AHNAK: variants seen among roughly 807,000 people sequenced by gnomAD.
AHNAK encodes the protein AHNAK nucleoprotein, also known as neuroblast differentiation-associated protein AHNAK.
A neutral mutation model predicts 37.8 loss-of-function variants in AHNAK; 23 were observed. That is an observed-to-expected ratio of 0.61 (90% CI 0.44 to 0.86). AHNAK has a LOEUF of 0.86. Among genes scored for constraint, AHNAK ranks in the 40% least tolerant of loss-of-function variants. The pLI is 0.00. For synonymous variants in AHNAK, 2,481 were observed against 2,636.3 expected, an observed-to-expected ratio of 0.94 and a Z score of 1.80; for missense variants, 7,411 against 7,319.4, an observed-to-expected ratio of 1.01 and a Z score of -0.46.
chr11:62,527,364 G>C lies in AHNAK; in HGVS notation c.7053C>G (p.Pro2351=). Residue 2351 remains proline (P), a synonymous_variant, in exon 5 of 5, where the codon CCC becomes CCG. Transcript: ENST00000378024. ...LKGPELDVKG[P]KLDADMPEVA... is the part of the protein sequence containing the mutation. ...CTTCTGGCATGTCAGCATCTAATTT[G>C]GGACCTTTGACATCCAATTCTGGAC... 6.2e-7 allele frequency: 1 copy of C among 1,614,072 alleles called. No homozygotes were observed. Among genetic ancestry groups the C allele is most frequent in the Non-Finnish European group, 8.5e-7 (1 of 1,179,982 alleles).
intron 5 of AHNAK, among the ~76,000 whole-genome samples, chr11:62,485,670 C>A (rs1017978086): frequency 1.4e-5 from 2 of 145,048 alleles, no homozygotes; most frequent in African/African-American, 5.3e-5. Context: ...CCACTGCACT[C>A]CAGCCTGGGC....
chr11:62,534,450 T>C (rs2134247770), intron 4 of AHNAK, among the ~76,000 whole-genome samples: 1 of 152,306 alleles, frequency 6.6e-6, no homozygotes. Flanking sequence ...GTTTGTTTAA[T>C]CAGGAGGGGA....
rs1303543418 is a variant in AHNAK at position 62,530,300 on chromosome 11, C to T, written c.4117G>A (p.Val1373Ile). Reference sequence around the variant, plus strand: ...TTCAGGTGCCAATCTGGGCCATGAACATCCACATCTGGAGCACTAATGTCA... The same window carrying T: ...TTCAGGTGCCAATCTGGGCCATGAATATCCACATCTGGAGCACTAATGTCA... Reference protein sequence around the residue: ...KVDISAPDVDVHGPDWHLKMP... With the variant: ...KVDISAPDVDIHGPDWHLKMP... Residue 1373 changes from valine (V) to isoleucine (I), a missense_variant, in exon 5 of 5, where the codon GTT (valine) becomes ATT (isoleucine). Coordinates refer to ENST00000378024, the MANE Select transcript of AHNAK (RefSeq NM_001620.3). The T allele has an allele frequency of 5.6e-6, 9 of 1,612,784 alleles. No homozygotes were observed. Among genetic ancestry groups the T allele is most frequent in the African/African-American group, 1.3e-5 (1 of 74,406 alleles).
At chr11:62,438,572 T>C (rs1290009227) in intron 5 of AHNAK, among the ~76,000 whole-genome samples, 1 of 152,166 alleles carries the variant, frequency 6.6e-6, no homozygotes. Context: ...TTATCAGACA[T>C]ATGTATTGCA....
intron 1 of AHNAK, among the ~76,000 whole-genome samples, chr11:62,542,816 C>T (rs1418219937): frequency 6.6e-6 from 1 of 152,186 alleles, no homozygotes; most frequent in Non-Finnish European, 1.5e-5. Flanking sequence ...GGGTGGCGTC[C>T]TATAGGAGAG....
chr11:62,541,305 T>G (rs1266036758), intron 1 of AHNAK, among the ~76,000 whole-genome samples: 3 of 152,116 alleles, frequency 2.0e-5, no homozygotes, highest in Non-Finnish European at 4.4e-5. Context: ...ACCCCATCCG[T>G]GGTAGGGAGG....
At chr11:62,444,794 T>C (rs1938390877) in intron 5 of AHNAK, among the ~76,000 whole-genome samples, 1 of 152,240 alleles carries the variant, frequency 6.6e-6, no homozygotes, top group Non-Finnish European at 1.5e-5. Context: ...GCCAGACACT[T>C]TCCTAAACAG....
At position 62,522,428 on chromosome 11, in the gene AHNAK, T is replaced by G. The variant is rs1940291897; in HGVS notation, c.11989A>C (p.Lys3997Gln). 6.2e-7 allele frequency: 1 copy of G among 1,613,990 alleles called. No individual in the cohort carries two copies. Among genetic ancestry groups the G allele is most frequent in the South Asian group, 1.1e-5 (1 of 91,078 alleles). Reference sequence around the variant, plus strand: ...TCAGGCATGGAGATCTTGGGGGCTTTGATGTTCATCTCTGGCATCTTGAAT... The same window carrying G: ...TCAGGCATGGAGATCTTGGGGGCTTGGATGTTCATCTCTGGCATCTTGAAT... ...PKFKMPEMNI[K>Q]APKISMPDFD... The change falls in exon 5 of 5, where the codon AAA becomes CAA. Residue 3997 changes from lysine (K) to glutamine (Q), a missense_variant. Coordinates refer to ENST00000378024, the MANE Select transcript of AHNAK (RefSeq NM_001620.3).
Position 62,528,561 on chromosome 11 carries a change from T to G in AHNAK, c.5856A>C (p.Thr1952=). 1 of 1,612,138 alleles carries G rather than the reference T, an allele frequency of 6.2e-7. No homozygotes were observed. The highest frequency in any genetic ancestry group is 8.5e-7 in the Non-Finnish European group (1 of 1,179,704). The change falls in exon 5 of 5, where the codon ACA becomes ACC. Residue 1952 remains threonine, a synonymous_variant. Transcript: ENST00000378024. The stretch of plus-strand genomic sequence containing the variant: ...GCACCTCCACACCCACACTGGGACC[T>G]GTTAAATCTCCCTCCAATTTTGGCA... ...VSVPKLEGDL[T]GPSVGVEVPD...
intron 5 of AHNAK, among the ~76,000 whole-genome samples, chr11:62,470,279 C>A (rs1290377778): frequency 6.6e-6 from 1 of 152,160 alleles, no homozygotes; most frequent in Non-Finnish European, 1.5e-5. Flanking sequence ...AACTCTGTCT[C>A]TACTAAAAAT....
At position 62,519,538 on chromosome 11, in the gene AHNAK, C is replaced by A; in HGVS notation, c.14879G>T (p.Ser4960Ile). Residue 4960 changes from serine (S) to isoleucine (I), a missense_variant, in exon 5 of 5, where the codon AGC (serine) becomes ATC (isoleucine). By Grantham distance (142) the Ser-to-Ile change is moderately radical. Coordinates refer to ENST00000378024, the MANE Select transcript of AHNAK (RefSeq NM_001620.3). ...EAPSLDVHMDSPDINIEGPDV... is the reference protein window; with the variant it reads ...EAPSLDVHMDIPDINIEGPDV... ...TGGCCCTTCGATGTTAATATCTGGG[C>A]TGTCCATGTGTACATCTAAGCTTGG... 1 of 1,612,742 alleles carries A rather than the reference C, an allele frequency of 6.2e-7. No homozygotes were observed. The highest frequency in any genetic ancestry group is 8.5e-7 in the Non-Finnish European group (1 of 1,179,440).
At chr11:62,477,022 C>T (rs1210869541) in intron 5 of AHNAK, among the ~76,000 whole-genome samples, 1 of 152,198 alleles carries the variant, frequency 6.6e-6, no homozygotes, top group Non-Finnish European at 1.5e-5. Context: ...CACAACACTT[C>T]AAAAGTTGAA....
chr11:62,494,607 C>T (rs989598190), intron 4 of AHNAK, among the ~76,000 whole-genome samples: 3 of 152,062 alleles, frequency 2.0e-5, no homozygotes, highest in Non-Finnish European at 4.4e-5. Flanking sequence ...TGGCTCACAC[C>T]TGTAATCCCA....
Position 62,532,798 on chromosome 11 carries a change from C to T in AHNAK, c.1619G>A (p.Arg540Lys), listed in dbSNP as rs761657205. 1 of 1,614,106 alleles carries T rather than the reference C, an allele frequency of 6.2e-7. No individual in the cohort carries two copies. The highest frequency in any genetic ancestry group is 1.1e-5 in the South Asian group (1 of 91,080). ...TAGGTTTGGTGTCTCTATGTCCACT[C>T]TGGAGCCTTTAAGTGCCACTTGAGG... ...KGPQVALKGSRVDIETPNLEG... is the reference protein window; with the variant it reads ...KGPQVALKGSKVDIETPNLEG... The change falls in exon 5 of 5, where the codon AGA (arginine) becomes AAA (lysine). Residue 540 changes from arginine to lysine, a missense_variant. By Grantham distance (26) the Arg-to-Lys change is conservative. Coordinates refer to ENST00000378024, the MANE Select transcript of AHNAK (RefSeq NM_001620.3).
chr11:62,543,261 C>T (rs11231135), intron 1 of AHNAK, among the ~76,000 whole-genome samples: 2 of 152,182 alleles, frequency 1.3e-5, no homozygotes, highest in Non-Finnish European at 2.9e-5. Context: ...TCAGTCCTTA[C>T]CTACAACCCC....
rs141698114 is a variant in AHNAK, at chr11:62,524,284, A to G, written c.10133T>C (p.Ile3378Thr). 1,540 of 1,613,928 alleles carry G rather than the reference A, an allele frequency of 9.5e-4. 20 individuals are homozygous for G. In the East Asian group the frequency reaches 0.018, roughly 18 times the overall value. ...EVDVKGKKPDIDITGPKVDIN... is the reference protein window; with the variant it reads ...EVDVKGKKPDTDITGPKVDIN... ...ATCAACTTTTGGACCTGTTATGTCA[A>G]TATCTGGCTTTTTACCTTTGACATC... The change falls in exon 5 of 5, where the codon ATT (isoleucine) becomes ACT (threonine). Residue 3378 changes from isoleucine to threonine, a missense_variant. Transcript: ENST00000378024.
chr11:62,474,924 G>T (rs976159248), intron 5 of AHNAK, among the ~76,000 whole-genome samples: 2 of 152,146 alleles, frequency 1.3e-5, no homozygotes, highest in Admixed American at 1.3e-4. Flanking sequence ...TCAGAGGCTG[G>T]TGAGGAAGAG....
At chr11:62,542,601 T>C (rs1446644349) in intron 1 of AHNAK, among the ~76,000 whole-genome samples, 1 of 152,252 alleles carries the variant, frequency 6.6e-6, no homozygotes, top group South Asian at 2.1e-4. Flanking sequence ...TACAGTGAGC[T>C]TGGAAGCCCT....
chr11:62,523,457 G>C lies in AHNAK; in HGVS notation c.10960C>G (p.Leu3654Val). The change falls in exon 5 of 5, where the codon CTG becomes GTG. Residue 3654 changes from leucine to valine, a missense_variant. Leu to Val is a conservative substitution (Grantham distance 32). Coordinates refer to ENST00000378024, the MANE Select transcript of AHNAK (RefSeq NM_001620.3). ...GGCATCTTGAACTTGGGGCCCTTCAGCTTTGCATCTGGACCTTCAATATTC... is the reference window on the plus strand; with the variant it reads ...GGCATCTTGAACTTGGGGCCCTTCACCTTTGCATCTGGACCTTCAATATTC... ...DVNIEGPDAK[L>V]KGPKFKMPEM... is the part of the protein sequence containing the mutation. 6.2e-7 allele frequency: 1 copy of C among 1,612,272 alleles called. No homozygotes were observed. Among genetic ancestry groups the C allele is most frequent in the Non-Finnish European group, 8.5e-7 (1 of 1,179,562 alleles).
Sources: allele counts gnomAD v4.1 joint callset (sites outside exome capture counted in the v4.1 genomes callset), GRCh38; gene constraint gnomAD v4.1.1; transcripts MANE v1.5; gene names NCBI Gene and HGNC (gene_info 2026-07-23, HGNC 2026-07-21).